Variants in HUWE1 observed in about 807,000 individuals in gnomAD.
The protein encoded by HUWE1 is HECT, UBA and WWE domain containing E3 ubiquitin protein ligase 1.
Under a neutral mutation model 299.4 loss-of-function variants are expected in HUWE1, and 18 were observed. The ratio of observed to expected loss-of-function variants is 0.06; its 90% CI spans 0.04 to 0.09. The LOEUF is 0.09. HUWE1 is among the 10% of genes least tolerant of loss of function. The probability of loss-of-function intolerance (pLI) is 1.00; values close to 1 mark genes in which losing one functional copy is unlikely to be tolerated. For missense variants in HUWE1, 1,832 were observed against 3,462.3 expected, an observed-to-expected ratio of 0.53 and a Z score of 11.82; for synonymous variants, 1,317 against 1,286.1, an observed-to-expected ratio of 1.02 and a Z score of -0.51.
At chrX:53,570,825 C>A (rs1556950621) in intron 47 of HUWE1, among the ~76,000 whole-genome samples, 1 of 112,263 alleles carries the variant, frequency 8.9e-6, no homozygotes, top group African/African-American at 3.2e-5. Context: ...CTCAACAGTA[C>A]ACTTTAAAAT....
At chrX:53,579,722 G>A (rs1304583213) in intron 43 of HUWE1, 1 of 99,210 alleles carries the variant, frequency 1.0e-5, no homozygotes, top group African/African-American at 3.7e-5. Flanking sequence ...TGCAAGATGT[G>A]CTTTGTTAAA....
intron 9 of HUWE1, chrX:53,632,204 A>T (rs782201263): frequency 5.6e-6 from 2 of 359,469 alleles, no homozygotes; most frequent in African/African-American, 5.2e-5. Flanking sequence ...ACTATACTAC[A>T]TGTTGGAATT....
intron 55 of HUWE1, among the ~76,000 whole-genome samples, chrX:53,560,843 T>C (rs979556577): frequency 8.9e-6 from 1 of 111,847 alleles, no homozygotes; most frequent in Non-Finnish European, 1.9e-5. Flanking sequence ...TATAGTGCAA[T>C]GTAATGCCTG....
At chrX:53,625,088 T>C (rs1385355329) in intron 18 of HUWE1, 69 bp downstream of exon 18, 10 of 682,305 alleles carry the variant, frequency 1.5e-5, no homozygotes, top group African/African-American at 2.1e-5. Context: ...GGTGCCAGAA[T>C]AGTATGAAAA....
rs782178545 is a variant in HUWE1, at chrX:53,617,739, G to A, written c.1673-293C>T. On this transcript the variant is annotated intron_variant, in intron 19 of 83. Transcript: ENST00000262854. ...GTCATACCGTATAATGTCCTCTCCC[G>A]ACACAACGACCCATTCATTTTGAAT... Among the ~76,000 whole-genome samples, 7 of 111,261 alleles carry A rather than the reference G, an allele frequency of 6.3e-5. No individual in the cohort carries two copies. In the South Asian group the frequency reaches 1.9e-3, roughly 30 times the overall value.
rs928593843 is a variant in HUWE1 at position 53,533,015 on chromosome X, A to C, written c.*294T>G. On this transcript the variant is annotated 3_prime_UTR_variant, in exon 84 of 84. Coordinates refer to ENST00000262854, the MANE Select transcript of HUWE1 (RefSeq NM_031407.7). ...ACAGAATCTGAGGAGCACACTGTTC[A>C]AACAGTTGGGACAGACAGGTCCCTG... 6.6e-6 allele frequency: 2 copies of C among 304,019 alleles called. No homozygotes were observed. Among genetic ancestry groups the C allele is most frequent in the African/African-American group, 5.3e-5 (2 of 37,394 alleles). The allele number at this position is 304,019 out of a possible 1,213,427, so 25.1% of individuals were successfully genotyped here. A position where few individuals can be genotyped will look rare whatever the true frequency, so the allele number is the denominator to read the frequency against.
At chrX:53,537,498 A>G in intron 78 of HUWE1, 58 bp downstream of exon 78, 1 of 1,156,382 alleles carries the variant, frequency 8.6e-7, no homozygotes, top group Non-Finnish European at 1.2e-6. Flanking sequence ...AGCCATCGCT[A>G]CTGTGCAGGA....
At position 53,616,915 on chromosome X, in the gene HUWE1, G is replaced by A. The variant is rs955259136; in HGVS notation, c.1957+55C>T. On this transcript the variant is annotated intron_variant, in intron 21 of 83. Transcript: ENST00000262854. ...CGATGAGAGAGATGATCAAGGAAGA[G>A]TTTCCTTGCAAACTAAATCAATTTT... 3 of 1,032,360 alleles carry A rather than the reference G, an allele frequency of 2.9e-6. No homozygotes were observed. In the African/African-American group the frequency reaches 5.7e-5, roughly 20 times the overall value. The allele number at this position is 1,032,360 out of a possible 1,213,427, so 85.1% of individuals were successfully genotyped here.
In HUWE1 at chrX:53,537,830, G is replaced by C. The variant is rs1225694772; in HGVS notation, c.11997-134C>G. 5 of 678,530 alleles carry C rather than the reference G, an allele frequency of 7.4e-6. No individual in the cohort carries two copies. In the Admixed American group the frequency reaches 1.3e-4, roughly 18 times the overall value. 55.9% of individuals were successfully genotyped at this position (678,530 alleles called of 1,213,427 possible). A position where few individuals can be genotyped will look rare whatever the true frequency, so the allele number is the denominator to read the frequency against. ...TTTGATCTCTGCTCCACACCTGTTT[G>C]GGAAATGCCCAGTAGTTGGGAGAGG... is the stretch of plus-strand genomic sequence containing the variant. On this transcript the variant is annotated intron_variant, in intron 77 of 83. Transcript: ENST00000262854.
intron 3 of HUWE1, among the ~76,000 whole-genome samples, chrX:53,657,978 G>A (rs2068825607): frequency 9.9e-6 from 1 of 101,217 alleles, no homozygotes; most frequent in Non-Finnish European, 2.0e-5. Context: ...GAGCCTGGGA[G>A]GCTGAGCTTG....
At position 53,537,580 on chromosome X, in the gene HUWE1, G is replaced by C; in HGVS notation, c.12113C>G (p.Ser4038Cys). Residue 4038 changes from serine (S) to cysteine (C), a missense_variant, in exon 78 of 84, where the codon TCC (serine) becomes TGC (cysteine). Ser to Cys is a moderately radical substitution (Grantham distance 112, BLOSUM62 -1). Coordinates refer to ENST00000262854, the MANE Select transcript of HUWE1 (RefSeq NM_031407.7). ...EDSYRELHRK[S>C]PEEMKNRLYI... Reference sequence around the variant, plus strand: ...CAATCGATTCTTCATTTCTTCGGGGGATTTGCGATGCAGCTCACGATAGGA... The same window carrying C: ...CAATCGATTCTTCATTTCTTCGGGGCATTTGCGATGCAGCTCACGATAGGA... 1 of 1,210,602 alleles carries C rather than the reference G, an allele frequency of 8.3e-7. No individual in the cohort carries two copies. The highest frequency in any genetic ancestry group is 1.1e-6 in the Non-Finnish European group (1 of 894,891).
intron 3 of HUWE1, among the ~76,000 whole-genome samples, chrX:53,679,754 A>G (rs1201865776): frequency 8.9e-6 from 1 of 112,640 alleles, no homozygotes; most frequent in African/African-American, 3.2e-5. Flanking sequence ...GCATGTTTGA[A>G]ATTTTTCGTA....
intron 3 of HUWE1, among the ~76,000 whole-genome samples, chrX:53,669,889 A>G (rs1368268421): frequency 8.9e-6 from 1 of 112,462 alleles, no homozygotes; most frequent in Non-Finnish European, 1.9e-5. Flanking sequence ...ATACTTAACT[A>G]TAATGCTAAA....
intron 3 of HUWE1, among the ~76,000 whole-genome samples, chrX:53,664,504 AG>A (rs782034497): frequency 9.8e-5 from 11 of 111,750 alleles, no homozygotes; most frequent in Non-Finnish European, 1.9e-4. Context: ...CTTGGCACAC[AG>A]GAGGCACTTT....
chrX:53,621,799 C>T (rs2066164118), intron 19 of HUWE1, among the ~76,000 whole-genome samples: 1 of 112,212 alleles, frequency 8.9e-6, no homozygotes, highest in Non-Finnish European at 1.9e-5. Flanking sequence ...CTAGCCCAGG[C>T]AACTACTCAT....
At chrX:53,645,980 A>G (rs781846515) in intron 6 of HUWE1, among the ~76,000 whole-genome samples, 23 of 109,847 alleles carry the variant, frequency 2.1e-4, no homozygotes, top group Non-Finnish European at 4.2e-4. Context: ...ATTGTGAAAG[A>G]AAGATATTTT....
chrX:53,661,314 G>GT (rs2068995534), intron 3 of HUWE1, among the ~76,000 whole-genome samples: 1 of 112,265 alleles, frequency 8.9e-6, no homozygotes, highest in Non-Finnish European at 1.9e-5. Context: ...GATTACAGGC[G>GT]TGAGCCACGG....
At chrX:53,600,731 G>A (rs1556989626) in intron 28 of HUWE1, among the ~76,000 whole-genome samples, 1 of 112,549 alleles carries the variant, frequency 8.9e-6, no homozygotes, top group Non-Finnish European at 1.9e-5. Context: ...TAAGAATTAT[G>A]TATATGAATG....
rs186915283 is a variant in HUWE1 at position 53,537,547 on chromosome X, G to A, written c.12137+9C>T. 1.9e-4 allele frequency: 230 copies of A among 1,207,905 alleles called. No individual in the cohort carries two copies. In the African/African-American group the frequency reaches 3.7e-3, roughly 20 times the overall value. Reference sequence around the variant, plus strand: ...ACCCGCCATCTTTTCTCCGTTCCTGGGCCCTTACAATCGATTCTTCATTTC... The same window carrying A: ...ACCCGCCATCTTTTCTCCGTTCCTGAGCCCTTACAATCGATTCTTCATTTC... On this transcript the variant is annotated intron_variant, in intron 78 of 83. Coordinates refer to ENST00000262854, the MANE Select transcript of HUWE1 (RefSeq NM_031407.7).
Sources: gnomAD v4.1 joint callset for allele counts (sites outside exome capture counted in the v4.1 genomes callset) on GRCh38, gnomAD v4.1.1 for gene constraint, MANE v1.5 for transcripts, NCBI Gene and HGNC (gene_info 2026-07-23, HGNC 2026-07-21) for gene names.